Variants in FSTL4 observed in about 807,000 individuals in gnomAD.
FSTL4 encodes follistatin like 4, also known as follistatin-related protein 4.
Under a neutral mutation model 78.2 loss-of-function variants are expected in FSTL4, and 28 were observed. The observed-to-expected ratio is 0.36, with a 90% CI of 0.27 to 0.49. The LOEUF (loss-of-function observed/expected upper bound fraction) is 0.49. Ranked by LOEUF, FSTL4 falls within the 20% of genes least tolerant of loss-of-function variation. The pLI is 0.98. For missense variants in FSTL4, 922 were observed against 1,084.9 expected (o/e 0.85, Z 2.11); for synonymous variants, 422 against 440.5 (o/e 0.96, Z 0.53).
At chr5:133,641,827 C>A in the FSTL4 span, among the ~76,000 whole-genome samples, 1 of 152,058 alleles carries the variant, frequency 6.6e-6, no homozygotes, top group Non-Finnish European at 1.5e-5. Flanking sequence ...CCTCCTCCTT[C>A]TTCTTTCCTC....
intron 4 of FSTL4, among the ~76,000 whole-genome samples, chr5:133,392,165 G>T (rs1755865472): frequency 6.6e-6 from 1 of 152,162 alleles, no homozygotes; most frequent in Admixed American, 6.5e-5. Flanking sequence ...GGCCATAGAG[G>T]TCATCCAGCC....
At chr5:133,479,268 G>T (rs1207575568) in intron 3 of FSTL4, among the ~76,000 whole-genome samples, 2 of 152,174 alleles carry the variant, frequency 1.3e-5, no homozygotes, top group East Asian at 1.9e-4. Flanking sequence ...CCAGTGCTGG[G>T]CACAAAAAAG....
chr5:133,743,067 A>G, the FSTL4 span, among the ~76,000 whole-genome samples: 1 of 152,284 alleles, frequency 6.6e-6, no homozygotes, highest in South Asian at 2.1e-4. Context: ...CTCTCCTAGG[A>G]AGAAATATAC....
chr5:133,698,595 T>C, the FSTL4 span, among the ~76,000 whole-genome samples: 3 of 152,268 alleles, frequency 2.0e-5, no homozygotes, highest in Non-Finnish European at 4.4e-5. Context: ...GCGTGACCAT[T>C]ACATGCAATA....
At chr5:133,448,041 T>C (rs1043180095) in intron 3 of FSTL4, among the ~76,000 whole-genome samples, 1 of 152,234 alleles carries the variant, frequency 6.6e-6, no homozygotes, top group African/African-American at 2.4e-5. Context: ...TACACCATGT[T>C]TCACATTTAG....
intron 4 of FSTL4, among the ~76,000 whole-genome samples, chr5:133,325,895 G>A (rs1462596944): frequency 6.6e-6 from 1 of 152,204 alleles, no homozygotes; most frequent in African/African-American, 2.4e-5. Context: ...TTCCCCATTA[G>A]CCTGGTAAGT....
chr5:133,749,891 A>G, the FSTL4 span, among the ~76,000 whole-genome samples: 1 of 152,252 alleles, frequency 6.6e-6, no homozygotes, highest in Non-Finnish European at 1.5e-5. Flanking sequence ...GCCAGGTATT[A>G]TAACAGCTCA....
chr5:133,581,341 T>C (rs1760402233), intron 2 of FSTL4, among the ~76,000 whole-genome samples: 1 of 152,238 alleles, frequency 6.6e-6, no homozygotes, highest in Non-Finnish European at 1.5e-5. Context: ...TTTCTGTTCC[T>C]CACGTAGGAT....
chr5:133,281,088 G>C (rs776104547), intron 6 of FSTL4, among the ~76,000 whole-genome samples: 7 of 152,156 alleles, frequency 4.6e-5, no homozygotes, highest in Admixed American at 6.5e-5. Flanking sequence ...GGTGAGCAGT[G>C]AGCCTGCACA....
intron 3 of FSTL4, among the ~76,000 whole-genome samples, chr5:133,477,224 A>G (rs1757942099): frequency 6.6e-6 from 1 of 152,238 alleles, no homozygotes; most frequent in Non-Finnish European, 1.5e-5. Flanking sequence ...AGCTTAAAAT[A>G]TATTCTTCAA....
the FSTL4 span, among the ~76,000 whole-genome samples, chr5:133,721,332 A>G: frequency 6.6e-6 from 1 of 152,180 alleles, no homozygotes; most frequent in African/African-American, 2.4e-5. Flanking sequence ...GCGGTATTAT[A>G]GTTTTCTGGA....
At chr5:133,397,239 A>G (rs912113924) in intron 4 of FSTL4, among the ~76,000 whole-genome samples, 1 of 152,242 alleles carries the variant, frequency 6.6e-6, no homozygotes, top group Non-Finnish European at 1.5e-5. Context: ...ACTCTATAAG[A>G]AGTTAAACAG....
chr5:133,331,162 T>G (rs1754336807), intron 4 of FSTL4, among the ~76,000 whole-genome samples: 1 of 152,026 alleles, frequency 6.6e-6, no homozygotes, highest in Admixed American at 6.5e-5. Flanking sequence ...GGCAGGGCCT[T>G]CTCCAGAACT....
the FSTL4 span, among the ~76,000 whole-genome samples, chr5:133,722,955 G>A: frequency 2.6e-5 from 4 of 152,186 alleles, no homozygotes; most frequent in Non-Finnish European, 5.9e-5. Context: ...TAGGTCAAAG[G>A]CGTTAGTGAT....
At chr5:133,414,235 T>A (rs1756533142) in intron 3 of FSTL4, among the ~76,000 whole-genome samples, 1 of 152,188 alleles carries the variant, frequency 6.6e-6, no homozygotes, top group African/African-American at 2.4e-5. Context: ...CAGTCTATGG[T>A]TATACATTTT....
chr5:133,312,801 G>A lies in FSTL4; in HGVS notation c.604-24C>T, dbSNP rs530333218. The A allele has an allele frequency of 1.7e-4, 275 of 1,613,356 alleles. 2 individuals carry two copies. The South Asian group carries it at 2.9e-3, about 17-fold the overall frequency. ...TGCTGTGGGGTGAGGAGGAGAACAA[G>A]GCCAGAATCAGATGAGTTTAGAGTC... On this transcript the variant is annotated intron_variant, in intron 5 of 15. Transcript: ENST00000265342.
chr5:133,465,565 G>C lies in FSTL4; in HGVS notation c.161-64579C>G, dbSNP rs114156626. On this transcript the variant is annotated intron_variant, in intron 3 of 15. Coordinates refer to ENST00000265342, the MANE Select transcript of FSTL4 (RefSeq NM_015082.2). ...CAGACTAGCTCTGGGTTCTAGTCCTGGGTGGGTGACCCAGAATCAGTTCTT... is the reference window on the plus strand; with the variant it reads ...CAGACTAGCTCTGGGTTCTAGTCCTCGGTGGGTGACCCAGAATCAGTTCTT... Among the ~76,000 whole-genome samples the C allele has an allele frequency of 3.7e-3, 568 of 152,310 alleles. 1 individual carries two copies. Among genetic ancestry groups the C allele is most frequent in the African/African-American group, 0.013 (546 of 41,564 alleles).
chr5:133,415,739 G>A (rs1237426029), intron 3 of FSTL4, among the ~76,000 whole-genome samples: 5 of 152,154 alleles, frequency 3.3e-5, no homozygotes, highest in African/African-American at 4.8e-5. Flanking sequence ...GTGCGGCAGC[G>A]TGGCAGGGGC....
At chr5:133,696,643 T>C in the FSTL4 span, among the ~76,000 whole-genome samples, 1 of 152,208 alleles carries the variant, frequency 6.6e-6, no homozygotes, top group Admixed American at 6.5e-5. Flanking sequence ...AGTGAATAAC[T>C]ACATGTGGAT....
Sources: gnomAD v4.1 joint callset for allele counts (sites outside exome capture counted in the v4.1 genomes callset) on GRCh38, gnomAD v4.1.1 for gene constraint, MANE v1.5 for transcripts, NCBI Gene and HGNC (gene_info 2026-07-23, HGNC 2026-07-21) for gene names.